Variants in KSR2 observed in about 807,000 individuals in gnomAD.
KSR2 encodes the protein kinase suppressor of ras 2.
In KSR2, 25 loss-of-function variants were observed where a neutral mutation model predicts 107.8. The ratio of observed to expected loss-of-function variants is 0.23; its 90% CI spans 0.17 to 0.32. KSR2 has a LOEUF of 0.32. Ranked by LOEUF, KSR2 falls within the 10% of genes least tolerant of loss-of-function variation. The pLI, the probability that KSR2 is intolerant of heterozygous loss-of-function variation, is 1.00. For synonymous variants in KSR2, 480 were observed against 507.0 expected (o/e 0.95, Z 0.71); for missense variants, 887 against 1,268.9 (o/e 0.70, Z 4.57).
intron 3 of KSR2, among the ~76,000 whole-genome samples, chr12:117,796,340 C>G (rs1003530913): frequency 2.0e-5 from 3 of 152,122 alleles, no homozygotes; most frequent in Non-Finnish European, 4.4e-5. Context: ...TAATACCTGC[C>G]TAGTAAGGTG....
At chr12:117,662,104 T>C (rs1040866521) in intron 5 of KSR2, among the ~76,000 whole-genome samples, 1 of 152,076 alleles carries the variant, frequency 6.6e-6, no homozygotes, top group African/African-American at 2.4e-5. Flanking sequence ...GAAGAGGAGA[T>C]ACCAGCACCG....
intron 14 of KSR2, among the ~76,000 whole-genome samples, chr12:117,492,840 G>T (rs1016756666): frequency 6.6e-6 from 1 of 152,072 alleles, no homozygotes; most frequent in Non-Finnish European, 1.5e-5. Flanking sequence ...ACCCACCATC[G>T]CTGACTTTGA....
intron 1 of KSR2, chr12:117,890,870 G>A (rs1370400987): frequency 6.6e-6 from 1 of 152,156 alleles, no homozygotes; most frequent in Non-Finnish European, 1.5e-5. Flanking sequence ...TCTCAGAGTG[G>A]AATATTGCAA....
At chr12:117,596,245 A>G (rs1880640852) in intron 5 of KSR2, among the ~76,000 whole-genome samples, 1 of 152,036 alleles carries the variant, frequency 6.6e-6, no homozygotes, top group African/African-American at 2.4e-5. Context: ...GTGTAGGGGA[A>G]CTCCTCTTTA....
intron 5 of KSR2, among the ~76,000 whole-genome samples, chr12:117,601,301 G>T (rs933291711): frequency 3.3e-5 from 5 of 150,644 alleles, no homozygotes; most frequent in Non-Finnish European, 7.4e-5. Flanking sequence ...ATCTTGGGGG[G>T]GGGGGTACCT....
At position 117,466,487 on chromosome 12, in the gene KSR2, C is replaced by T. The variant is rs1301360516; in HGVS notation, c.*712G>A. On this transcript the variant is annotated 3_prime_UTR_variant, in exon 20 of 20. Transcript: ENST00000339824. ...ACAGCAGAAATGGGGGAATAGGTCCCCCAGAGAGACCCAGAACTCAAAAGA... is the reference window on the plus strand; with the variant it reads ...ACAGCAGAAATGGGGGAATAGGTCCTCCAGAGAGACCCAGAACTCAAAAGA... 6.6e-6 allele frequency: 1 copy of T among 152,202 alleles called. No individual in the cohort carries two copies. Among genetic ancestry groups the T allele is most frequent in the African/African-American group, 2.4e-5 (1 of 41,432 alleles). 9.4% of individuals were successfully genotyped at this position (152,202 alleles called of 1,614,324 possible).
At chr12:117,511,595 A>T (rs58487863) in intron 14 of KSR2, among the ~76,000 whole-genome samples, 4,803 of 152,314 alleles carry the variant, frequency 0.032, 263 homozygotes, top group African/African-American at 0.11. Context: ...TCTGTAAAAC[A>T]GGATAACGAT....
At chr12:117,923,687 A>G (rs749196632) in intron 1 of KSR2, among the ~76,000 whole-genome samples, 8 of 150,854 alleles carry the variant, frequency 5.3e-5, no homozygotes, top group South Asian at 2.1e-4. Context: ...GTGTGTGTGT[A>G]TGTATATGTG....
rs1321740175 is a variant in KSR2 at position 117,842,510 on chromosome 12, A to G, written c.472+12918T>C. Among the ~76,000 whole-genome samples, 1 of 152,168 alleles carries G rather than the reference A, an allele frequency of 6.6e-6. No homozygotes were observed. Among genetic ancestry groups the G allele is most frequent in the Non-Finnish European group, 1.5e-5 (1 of 68,008 alleles). ...TGGGGGTCTCATTCTAAGATGTAAT[A>G]GTCTGTTTGGAGCTGACTCAGTTCA... On this transcript the variant is annotated intron_variant, in intron 3 of 19. Coordinates refer to ENST00000339824, the MANE Select transcript of KSR2 (RefSeq NM_173598.6). This position sits in a 1 kb window ranked among gnomAD's most constrained non-coding sequence, Gnocchi z 4.2.
At chr12:117,942,114 T>C (rs947055950) in intron 1 of KSR2, among the ~76,000 whole-genome samples, 14 of 152,208 alleles carry the variant, frequency 9.2e-5, no homozygotes, top group Admixed American at 2.6e-4. Context: ...TGTACACATA[T>C]ATGGGGTTCG....
At position 117,583,405 on chromosome 12, in the gene KSR2, GTGGATGGATGGATGGATGGATGGATGGA is replaced by G. The variant is rs369518226; in HGVS notation, c.1172-1074_1172-1047del. ...GATAGATGGATGGGTGGGTGAGTGA[GTGGATGGATGGATGGATGGATGGATGGA>G]TGGATGGATGGATGGATGGATGGAT... is the stretch of plus-strand genomic sequence containing the variant. On this transcript the variant is annotated intron_variant, in intron 5 of 19. Transcript: ENST00000339824. Among the ~76,000 whole-genome samples the G allele has an allele frequency of 4.7e-4, 60 of 127,160 alleles. 1 individual carries two copies. The South Asian group carries it at 0.015, about 33-fold the overall frequency. The allele number at this position is 127,160 out of a possible 152,430, so 83.4% of individuals were successfully genotyped here.
intron 1 of KSR2, among the ~76,000 whole-genome samples, chr12:117,924,232 T>G (rs1485075385): frequency 6.6e-6 from 1 of 151,464 alleles, no homozygotes; most frequent in Non-Finnish European, 1.5e-5. Flanking sequence ...CTAAAATAAA[T>G]CAATCTACTG....
intron 3 of KSR2, among the ~76,000 whole-genome samples, chr12:117,823,459 G>A (rs747200380): frequency 1.6e-4 from 24 of 152,036 alleles, no homozygotes; most frequent in Non-Finnish European, 2.5e-4. Context: ...AGTGAGGGTC[G>A]GGCTGGAATC....
intron 5 of KSR2, among the ~76,000 whole-genome samples, chr12:117,653,775 C>T (rs1337640316): frequency 1.3e-5 from 2 of 152,226 alleles, no homozygotes; most frequent in Non-Finnish European, 2.9e-5. Context: ...GGAGGCAACA[C>T]ATTCCTCATT....
At chr12:117,767,615 T>C (rs1368679666) in intron 3 of KSR2, among the ~76,000 whole-genome samples, 2 of 148,684 alleles carry the variant, frequency 1.3e-5, no homozygotes, top group Non-Finnish European at 3.0e-5. Flanking sequence ...CGAATCCCTG[T>C]CTCTACTAAA....
At chr12:117,536,486 G>A (rs1680515447) in intron 10 of KSR2, among the ~76,000 whole-genome samples, 2 of 152,298 alleles carry the variant, frequency 1.3e-5, no homozygotes, top group African/African-American at 2.4e-5. Flanking sequence ...TATCGTAGAA[G>A]TGCATGAGAT....
rs1438972140 is a variant in KSR2, at chr12:117,505,736, A to G, written c.2219+19116T>C. ...AGTTGGCACCATTTGCTCCAACTCA[A>G]TTGAGCTATTTGAAGTTTTGCAAAT... On this transcript the variant is annotated intron_variant, in intron 14 of 19. Coordinates refer to ENST00000339824, the MANE Select transcript of KSR2 (RefSeq NM_173598.6). 2.6e-5 allele frequency among the ~76,000 whole-genome samples: 4 copies of G among 152,182 alleles called. 1 individual carries two copies. Among genetic ancestry groups the G allele is most frequent in the Admixed American group, 2.0e-4 (3 of 15,284 alleles).
chr12:117,830,487 C>A (rs905278273), intron 3 of KSR2, among the ~76,000 whole-genome samples: 1 of 151,526 alleles, frequency 6.6e-6, no homozygotes, highest in Admixed American at 6.6e-5. Context: ...GCACATGTAC[C>A]CTCGAATCAA....
At chr12:117,753,013 C>T (rs1014840848) in intron 4 of KSR2, among the ~76,000 whole-genome samples, 7 of 152,212 alleles carry the variant, frequency 4.6e-5, no homozygotes, top group African/African-American at 1.7e-4. Context: ...TTCTGAACAG[C>T]TCACTATAAG....
Sources: gnomAD v4.1 joint callset for allele counts (sites outside exome capture counted in the v4.1 genomes callset) on GRCh38, gnomAD v4.1.1 for gene constraint, Gnocchi (gnomAD v3.1) non-coding constraint, MANE v1.5 for transcripts, NCBI Gene and HGNC (gene_info 2026-07-23, HGNC 2026-07-21) for gene names.